HS3ST4: variants seen among roughly 807,000 people sequenced by gnomAD.
HS3ST4 encodes heparan sulfate-glucosamine 3-sulfotransferase 4.
A neutral mutation model predicts 29.2 loss-of-function variants in HS3ST4; 17 were observed. The ratio of observed to expected loss-of-function variants is 0.58; its 90% CI spans 0.40 to 0.87. The LOEUF is 0.87. Among genes scored for constraint, HS3ST4 ranks in the 40% least tolerant of loss-of-function variants. The probability of loss-of-function intolerance (pLI) is 0.00; values close to 1 mark genes in which losing one functional copy is unlikely to be tolerated. For missense variants in HS3ST4, 627 were observed against 634.5 expected (o/e 0.99, Z 0.13); for synonymous variants, 314 against 285.7 (o/e 1.10, Z -1.00).
intron 1 of HS3ST4, among the ~76,000 whole-genome samples, chr16:25,886,327 C>T (rs1967952048): frequency 6.6e-6 from 1 of 152,114 alleles, no homozygotes; most frequent in African/African-American, 2.4e-5. Flanking sequence ...GCCACCATGT[C>T]CAGCCCTTAC....
At chr16:25,884,588 C>G (rs896988203) in intron 1 of HS3ST4, among the ~76,000 whole-genome samples, 1 of 152,124 alleles carries the variant, frequency 6.6e-6, no homozygotes, top group African/African-American at 2.4e-5. Context: ...GTTTTTGAGA[C>G]AGAGTCTGGC....
intron 1 of HS3ST4, among the ~76,000 whole-genome samples, chr16:25,768,241 C>G (rs1330914784): frequency 1.3e-5 from 2 of 152,210 alleles, no homozygotes; most frequent in African/African-American, 4.8e-5. Context: ...TGTACGTACA[C>G]ACACATTCAT....
intron 1 of HS3ST4, among the ~76,000 whole-genome samples, chr16:25,953,252 T>C (rs1311719634): frequency 6.6e-6 from 1 of 152,116 alleles, no homozygotes; most frequent in Non-Finnish European, 1.5e-5. Flanking sequence ...CCAGGGAAGA[T>C]CTTTGTGAAA....
At chr16:26,117,788 T>C (rs1899219691) in intron 1 of HS3ST4, among the ~76,000 whole-genome samples, 1 of 152,186 alleles carries the variant, frequency 6.6e-6, no homozygotes, top group Non-Finnish European at 1.5e-5. Flanking sequence ...AAGGAGCCAT[T>C]TATTAATCAT....
At chr16:26,081,783 A>ATTCTTTT in intron 1 of HS3ST4, among the ~76,000 whole-genome samples, 1 of 128,330 alleles carries the variant, frequency 7.8e-6, no homozygotes. Flanking sequence ...CAGGGAGTAC[A>ATTCTTTT]TTCTTTTTTT....
intron 1 of HS3ST4, among the ~76,000 whole-genome samples, chr16:26,054,767 G>A (rs1024628386): frequency 6.6e-6 from 1 of 151,996 alleles, no homozygotes; most frequent in Non-Finnish European, 1.5e-5. Context: ...AGGAGCAGGG[G>A]GCACAGAGGT....
intron 1 of HS3ST4, among the ~76,000 whole-genome samples, chr16:25,887,151 G>A (rs74385048): frequency 0.096 from 14,617 of 152,104 alleles, 1,403 homozygotes; most frequent in East Asian, 0.31. Context: ...AAGGCTGTTC[G>A]TGAAAGGAAT....
At chr16:26,039,914 T>C (rs762946407) in intron 1 of HS3ST4, among the ~76,000 whole-genome samples, 1 of 152,198 alleles carries the variant, frequency 6.6e-6, no homozygotes, top group Non-Finnish European at 1.5e-5. Context: ...GATACTTAGA[T>C]GGTTTTCATT....
intron 1 of HS3ST4, among the ~76,000 whole-genome samples, chr16:25,798,794 T>G (rs1356289692): frequency 6.6e-6 from 1 of 152,172 alleles, no homozygotes; most frequent in African/African-American, 2.4e-5. Flanking sequence ...GATGCTTGTC[T>G]CTAATCCTCC....
intron 1 of HS3ST4, among the ~76,000 whole-genome samples, chr16:26,022,341 A>G (rs1212514730): frequency 6.6e-6 from 1 of 152,158 alleles, no homozygotes; most frequent in African/African-American, 2.4e-5. Flanking sequence ...ATCTAAATCT[A>G]AAATGTTAGT....
At chr16:26,050,248 A>C (rs1457800383) in intron 1 of HS3ST4, among the ~76,000 whole-genome samples, 1 of 152,070 alleles carries the variant, frequency 6.6e-6, no homozygotes, top group Non-Finnish European at 1.5e-5. Context: ...GATCCTAAGA[A>C]TTTTAGGAGT....
chr16:25,966,044 C>T (rs1968838899), intron 1 of HS3ST4, among the ~76,000 whole-genome samples: 1 of 152,120 alleles, frequency 6.6e-6, no homozygotes. Context: ...TGTTGAGAGC[C>T]TTCATATACC....
Position 25,693,083 on chromosome 16 carries a change from C to G in HS3ST4, c.666C>G (p.Asp222Glu). 1 of 1,608,394 alleles carries G rather than the reference C, an allele frequency of 6.2e-7. No individual in the cohort carries two copies. Among genetic ancestry groups the G allele is most frequent in the East Asian group, 2.3e-5 (1 of 44,288 alleles). ...TGGAGGCGATCCGCGTGCACCCGGA[C>G]GTGCGGGCGGTGGGCGTAGAGCCGC... ...ALLEAIRVHPDVRAVGVEPHF... is the reference protein window; with the variant it reads ...ALLEAIRVHPEVRAVGVEPHF... Residue 222 changes from aspartate (D) to glutamate (E), a missense_variant, in exon 1 of 2, where the codon GAC becomes GAG. Transcript: ENST00000331351.
rs571040643 is a variant in HS3ST4, at chr16:25,810,398, T to C, written c.734+117247T>C. ...CCAGGGTATGCCCTTTTGTAATGAA[T>C]ATCCTATGGTGGTTGAAAAAATATA... On this transcript the variant is annotated intron_variant, in intron 1 of 1. Transcript: ENST00000331351. Among the ~76,000 whole-genome samples, 3 of 152,298 alleles carry C rather than the reference T, an allele frequency of 2.0e-5. No individual in the cohort carries two copies. In the South Asian group the frequency reaches 6.2e-4, roughly 32 times the overall value.
intron 1 of HS3ST4, among the ~76,000 whole-genome samples, chr16:25,956,997 C>CAA (rs11382105): frequency 0.13 from 9,938 of 77,384 alleles, 1,105 homozygotes; most frequent in African/African-American, 0.26. Flanking sequence ...GACTCCGTCT[C>CAA]AAAAAAAAAA....
chr16:25,716,623 G>T (rs1469020720), intron 1 of HS3ST4, among the ~76,000 whole-genome samples: 3 of 152,184 alleles, frequency 2.0e-5, no homozygotes, highest in Non-Finnish European at 4.4e-5. Flanking sequence ...GGTTTCAGTT[G>T]CTCTTAGCTA....
chr16:26,120,260 T>C (rs1048008164), intron 1 of HS3ST4, among the ~76,000 whole-genome samples: 3 of 152,184 alleles, frequency 2.0e-5, no homozygotes, highest in Non-Finnish European at 2.9e-5. Context: ...TCAGACTGAT[T>C]GGTTTAAAAA....
At chr16:26,040,065 T>C (rs1472531035) in intron 1 of HS3ST4, among the ~76,000 whole-genome samples, 1 of 152,212 alleles carries the variant, frequency 6.6e-6, no homozygotes, top group Non-Finnish European at 1.5e-5. Context: ...CTAAAAAGCC[T>C]GCAGAAACAA....
At chr16:25,776,100 G>C (rs1411985044) in intron 1 of HS3ST4, among the ~76,000 whole-genome samples, 1 of 152,090 alleles carries the variant, frequency 6.6e-6, no homozygotes, top group Non-Finnish European at 1.5e-5. Flanking sequence ...CTGATGGCTG[G>C]TTCCTCCTCT....
Sources: allele counts gnomAD v4.1 joint callset (sites outside exome capture counted in the v4.1 genomes callset), GRCh38; gene constraint gnomAD v4.1.1; transcripts MANE v1.5; gene names NCBI Gene and HGNC (gene_info 2026-07-23, HGNC 2026-07-21).